UGT2A1: variants seen among roughly 807,000 people sequenced by gnomAD.
UGT2A1 encodes UDP glucuronosyltransferase family 2 member A1 complex locus.
A neutral mutation model predicts 45.4 loss-of-function variants in UGT2A1; 61 were observed. The ratio of observed to expected loss-of-function variants is 1.34; its 90% confidence interval spans 1.09 to 1.66. The LOEUF is 1.66. Ranked by LOEUF, UGT2A1 falls within the 40% of genes most tolerant of loss-of-function variation. The pLI is 0.00. For synonymous variants in UGT2A1, 229 were observed against 196.2 expected, an observed-to-expected ratio of 1.17 and a Z score of -1.40; for missense variants, 649 against 574.3, an observed-to-expected ratio of 1.13 and a Z score of -1.33.
At chr4:69,594,724 G>A (rs1229396148) in intron 5 of UGT2A1, 28 bp from the exon 6 acceptor site, 2 of 1,598,470 alleles carry the variant, frequency 1.3e-6, no homozygotes, top group Non-Finnish European at 1.7e-6. Context: ...TGAGAAGTGG[G>A]TGTGTAATAA....
At chr4:69,609,283 C>G (rs911954633) in intron 3 of UGT2A1, among the ~76,000 whole-genome samples, 3 of 151,970 alleles carry the variant, frequency 2.0e-5, no homozygotes, top group Non-Finnish European at 4.4e-5. Flanking sequence ...CTCTCAGTAG[C>G]TGGGACCAGA....
rs1165977331 is a variant in UGT2A1, at chr4:69,638,808, C to T, written c.716-2986G>A. ...AAGAAGTCCATTATCTTCAGCTCAG[C>T]ATATGCAGTGGAATGGAAATCGTTT... On this transcript the variant is annotated intron_variant, in intron 2 of 6. Transcript: ENST00000286604. The T allele has an allele frequency of 3.5e-6, 5 of 1,411,836 alleles. No individual in the cohort carries two copies. The African/African-American group carries it at 5.8e-5, about 16-fold the overall frequency. 87.5% of individuals were successfully genotyped at this position (1,411,836 alleles called of 1,614,324 possible).
Position 69,589,228 on chromosome 4 carries a change from T to C in UGT2A1, c.*144A>G. ...CAAAATCTAGGCTTTATCAGTAGGCTTATCGCAGGTAGAGAAATAGAAAAT... is the reference window on the plus strand; with the variant it reads ...CAAAATCTAGGCTTTATCAGTAGGCCTATCGCAGGTAGAGAAATAGAAAAT... On this transcript the variant is annotated 3_prime_UTR_variant, in exon 7 of 7. Transcript: ENST00000286604. 1 of 1,071,850 alleles carries C rather than the reference T, an allele frequency of 9.3e-7. No homozygotes were observed. The highest frequency in any genetic ancestry group is 1.3e-6 in the Non-Finnish European group (1 of 784,284). 66.4% of individuals were successfully genotyped at this position (1,071,850 alleles called of 1,614,324 possible).
intron 3 of UGT2A1, among the ~76,000 whole-genome samples, chr4:69,622,897 A>G (rs1720831554): frequency 6.6e-6 from 1 of 151,856 alleles, no homozygotes. Flanking sequence ...AGCCTCATTT[A>G]TAATTCTGCT....
chr4:69,640,141 T>C (rs1721973668), intron 2 of UGT2A1, among the ~76,000 whole-genome samples: 1 of 151,970 alleles, frequency 6.6e-6, no homozygotes, highest in South Asian at 2.1e-4. Flanking sequence ...AGATATGGCC[T>C]GGAACTCCAA....
chr4:69,626,895 T>C (rs1395406355), intron 3 of UGT2A1, among the ~76,000 whole-genome samples: 1 of 151,832 alleles, frequency 6.6e-6, no homozygotes, highest in East Asian at 1.9e-4. Context: ...TCTTTTGAAA[T>C]GGCTCCATCA....
At chr4:69,628,920 T>C (rs1262999315) in intron 3 of UGT2A1, among the ~76,000 whole-genome samples, 2 of 151,728 alleles carry the variant, frequency 1.3e-5, no homozygotes, top group African/African-American at 2.4e-5. Flanking sequence ...AGATAATCTT[T>C]CAATTTCCCT....
At chr4:69,616,833 C>CTTTTTTTTTT (rs4148315) in intron 3 of UGT2A1, among the ~76,000 whole-genome samples, 13 of 127,258 alleles carry the variant, frequency 1.0e-4, no homozygotes, top group Non-Finnish European at 1.6e-4. Flanking sequence ...ATTTTCTTTT[C>CTTTTTTTTTT]TTTTTTTTTT....
At chr4:69,639,269 T>C (rs559680857) in intron 2 of UGT2A1, 46 of 1,613,738 alleles carry the variant, frequency 2.9e-5, no homozygotes, top group Middle Eastern at 3.3e-4. Context: ...AGAAAGTGTC[T>C]AGAAGTTTTC....
intron 3 of UGT2A1, chr4:69,599,695 A>G (rs71599914): frequency 0.26 from 51,930 of 200,258 alleles, 7,122 homozygotes; most frequent in African/African-American, 0.37. Flanking sequence ...GAAATAAAGA[A>G]AGAGAGAGAG....
chr4:69,614,942 G>C (rs1030574464), intron 3 of UGT2A1, among the ~76,000 whole-genome samples: 1 of 152,054 alleles, frequency 6.6e-6, no homozygotes, highest in Non-Finnish European at 1.5e-5. Flanking sequence ...CAATGGGGAA[G>C]CAAGCACATC....
chr4:69,634,589 C>T lies in UGT2A1; in HGVS notation c.847+1102G>A, dbSNP rs376648461. On this transcript the variant is annotated intron_variant, in intron 3 of 6. Coordinates refer to ENST00000286604, the MANE Select transcript of UGT2A1 (RefSeq NM_001252275.3). The stretch of plus-strand genomic sequence containing the variant: ...TTTCTTAAGTTAATTGGGGTTTATT[C>T]CAAAAATAAAAAGTTGATTTAACAA... Among the ~76,000 whole-genome samples the T allele has an allele frequency of 1.5e-4, 22 of 151,540 alleles. 1 individual carries two copies. In the South Asian group the frequency reaches 4.0e-3, roughly 27 times the overall value.
intron 2 of UGT2A1, among the ~76,000 whole-genome samples, chr4:69,644,111 CAG>C (rs1722153643): frequency 6.6e-6 from 1 of 151,612 alleles, no homozygotes. Context: ...ATATCAAAAT[CAG>C]AGGATAAGAA....
intron 3 of UGT2A1, among the ~76,000 whole-genome samples, chr4:69,625,460 T>G (rs544962378): frequency 2.8e-4 from 42 of 151,204 alleles, no homozygotes; most frequent in Non-Finnish European, 5.6e-4. Context: ...GAAGTGATTA[T>G]TTCTCTTTAT....
At position 69,635,747 on chromosome 4, in the gene UGT2A1, A is replaced by G; in HGVS notation, c.791T>C (p.Phe264Ser). The change falls in exon 3 of 7, where the codon TTC (phenylalanine) becomes TCC (serine). Residue 264 changes from phenylalanine (F) to serine (S), a missense_variant. Coordinates refer to ENST00000286604, the MANE Select transcript of UGT2A1 (RefSeq NM_001252275.3). ...LGSLQPLLPG[F>S]KRFSRLSLHC... ...GAGGCTGAGGCGGGAGAATCGCTTG[A>G]ACCCGGGAAGCAGAGGTTGCAGTGA... 1 of 234,604 alleles carries G rather than the reference A, an allele frequency of 4.3e-6. No individual in the cohort carries two copies. Among genetic ancestry groups the G allele is most frequent in the South Asian group, 3.9e-5 (1 of 25,674 alleles). The allele number at this position is 234,604 out of a possible 1,614,324, so 14.5% of individuals were successfully genotyped here. A position where few individuals can be genotyped will look rare whatever the true frequency, so the allele number is the denominator to read the frequency against.
At chr4:69,605,744 A>G (rs1719568905) in intron 3 of UGT2A1, among the ~76,000 whole-genome samples, 1 of 137,086 alleles carries the variant, frequency 7.3e-6, no homozygotes, top group Admixed American at 7.2e-5. Context: ...AGGGGATATC[A>G]CCACCGATCC....
In UGT2A1 at chr4:69,594,507, C is replaced by T. The variant is rs763710867; in HGVS notation, c.1274G>A (p.Ser425Asn). 1.2e-6 allele frequency: 2 copies of T among 1,614,012 alleles called. No individual in the cohort carries two copies. The highest frequency in any genetic ancestry group is 2.7e-5 in the African/African-American group (2 of 74,932). ...TTCATTAATGACTGTTCTCAAAGCG[C>T]TAAGCAAATCCACACTTGTCATTGT... is the stretch of plus-strand genomic sequence containing the variant. ...LNTMTSVDLL[S>N]ALRTVINEPS... The change falls in exon 6 of 7, where the codon AGC becomes AAC. Residue 425 changes from serine to asparagine, a missense_variant. Transcript: ENST00000286604.
At chr4:69,609,922 G>A (rs1177696488) in intron 3 of UGT2A1, among the ~76,000 whole-genome samples, 1 of 152,136 alleles carries the variant, frequency 6.6e-6, no homozygotes, top group Admixed American at 6.6e-5. Context: ...CTACACTAAT[G>A]TTGAGCATAA....
intron 3 of UGT2A1, among the ~76,000 whole-genome samples, chr4:69,622,211 G>T (rs929377793): frequency 1.3e-5 from 2 of 151,454 alleles, no homozygotes; most frequent in Admixed American, 6.6e-5. Flanking sequence ...ATAGCCAAGA[G>T]AAATTGAAAG....
Sources: gnomAD v4.1 joint callset for allele counts (sites outside exome capture counted in the v4.1 genomes callset) on GRCh38, gnomAD v4.1.1 for gene constraint, MANE v1.5 for transcripts, NCBI Gene and HGNC (gene_info 2026-07-23, HGNC 2026-07-21) for gene names.